MATCAP2: variants seen among roughly 807,000 people sequenced by gnomAD.
MATCAP2 encodes the protein putative tyrosine carboxypeptidase MATCAP2.
chr7:36,376,079 C>T, the MATCAP2 span, among the ~76,000 whole-genome samples: 2 of 152,042 alleles, frequency 1.3e-5, no homozygotes, highest in Non-Finnish European at 2.9e-5. Context: ...TTTTTTGTGT[C>T]TCTATCTCCT....
chr7:36,336,535 A>G, the MATCAP2 span, among the ~76,000 whole-genome samples: 2 of 152,230 alleles, frequency 1.3e-5, no homozygotes, highest in South Asian at 4.1e-4. Flanking sequence ...TCTCCTTAAC[A>G]TGCTGACAGA....
At chr7:36,347,663 A>G in the MATCAP2 span, among the ~76,000 whole-genome samples, 1 of 152,226 alleles carries the variant, frequency 6.6e-6, no homozygotes, top group South Asian at 2.1e-4. Context: ...TATTTCCCAT[A>G]TGACTGTAGA....
At chr7:36,360,549 G>A in the MATCAP2 span, among the ~76,000 whole-genome samples, 1 of 152,114 alleles carries the variant, frequency 6.6e-6, no homozygotes, top group African/African-American at 2.4e-5. Flanking sequence ...GTTAAATGCT[G>A]GATAGCCCAT....
At chr7:36,354,124 G>A in the MATCAP2 span, among the ~76,000 whole-genome samples, 1 of 152,162 alleles carries the variant, frequency 6.6e-6, no homozygotes, top group Admixed American at 6.5e-5. Context: ...TAAGAGTCAG[G>A]AAGCTGAGGC....
chr7:36,335,869 G>A, the MATCAP2 span, among the ~76,000 whole-genome samples: 2 of 152,118 alleles, frequency 1.3e-5, no homozygotes, highest in African/African-American at 2.4e-5. Context: ...TCAGGAGTTC[G>A]AGACCAGCCT....
the MATCAP2 span, chr7:36,366,990 G>A: frequency 1.4e-5 from 19 of 1,325,558 alleles, no homozygotes; most frequent in African/African-American, 2.9e-4. Context: ...AGGGGAAAGG[G>A]CCGCGCAGGG....
chr7:36,332,927 C>CA, the MATCAP2 span, among the ~76,000 whole-genome samples: 281 of 147,614 alleles, frequency 1.9e-3, no homozygotes, highest in African/African-American at 6.6e-3. Flanking sequence ...TACTCTATCT[C>CA]AAAAAAAAAA....
chr7:36,370,172 A>T, the MATCAP2 span, among the ~76,000 whole-genome samples: 1 of 152,146 alleles, frequency 6.6e-6, no homozygotes. Flanking sequence ...ATTCATCCTC[A>T]TCAAGCTTTC....
the MATCAP2 span, among the ~76,000 whole-genome samples, chr7:36,367,749 A>G: frequency 6.6e-6 from 1 of 152,242 alleles, no homozygotes; most frequent in African/African-American, 2.4e-5. Context: ...ATTAGCAAGT[A>G]TGAAAATTTA....
At chr7:36,366,735 A>G in the MATCAP2 span, 1 of 1,535,130 alleles carries the variant, frequency 6.5e-7, no homozygotes, top group Non-Finnish European at 8.7e-7. Context: ...TAAGGGGCCG[A>G]TTTCTCTCTT....
the MATCAP2 span, among the ~76,000 whole-genome samples, chr7:36,345,519 T>C: frequency 2.6e-5 from 4 of 152,144 alleles, no homozygotes; most frequent in Admixed American, 1.3e-4. Flanking sequence ...CAAAATAGAA[T>C]AGCACCATTA....
the MATCAP2 span, chr7:36,390,024 G>A: frequency 6.2e-7 from 1 of 1,614,076 alleles, no homozygotes; most frequent in Non-Finnish European, 8.5e-7. Context: ...GACGCCTGGG[G>A]CGATGGATCC....
At chr7:36,335,464 C>T in the MATCAP2 span, among the ~76,000 whole-genome samples, 1 of 152,252 alleles carries the variant, frequency 6.6e-6, no homozygotes, top group South Asian at 2.1e-4. Context: ...GTCGTAAATA[C>T]GCTCCCTGAC....
the MATCAP2 span, among the ~76,000 whole-genome samples, chr7:36,352,988 G>A: frequency 6.6e-6 from 1 of 152,038 alleles, no homozygotes; most frequent in Non-Finnish European, 1.5e-5. Context: ...AGATGCTACA[G>A]GTCAGGCCCG....
chr7:36,363,850 A>G, the MATCAP2 span, among the ~76,000 whole-genome samples: 1 of 152,222 alleles, frequency 6.6e-6, no homozygotes, highest in Non-Finnish European at 1.5e-5. Context: ...ACTATAGGTA[A>G]GCAGCCTTTG....
At chr7:36,355,379 T>C in the MATCAP2 span, 4 of 152,228 alleles carry the variant, frequency 2.6e-5, no homozygotes, top group African/African-American at 9.6e-5. Context: ...ACTATGTTAA[T>C]GCTGCCTTCT....
chr7:36,390,110 G>C, the MATCAP2 span: 3 of 1,609,924 alleles, frequency 1.9e-6, no homozygotes, highest in Non-Finnish European at 2.5e-6. Context: ...ACCTTCCTCT[G>C]TCAACCTCTG....
the MATCAP2 span, among the ~76,000 whole-genome samples, chr7:36,352,866 T>G: frequency 6.6e-6 from 1 of 151,918 alleles, no homozygotes; most frequent in Non-Finnish European, 1.5e-5. Context: ...GTTAGTAAAT[T>G]ACGACTTTGT....
chr7:36,325,725 A>G, the MATCAP2 span: 2 of 152,180 alleles, frequency 1.3e-5, no homozygotes, highest in Non-Finnish European at 2.9e-5. Flanking sequence ...ATACAGCAAA[A>G]CAGAACTCTC....
Sources: gnomAD v4.1 joint callset for allele counts (sites outside exome capture counted in the v4.1 genomes callset) on GRCh38, gnomAD v4.1.1 for gene constraint, MANE v1.5 for transcripts, NCBI Gene and HGNC (gene_info 2026-07-23, HGNC 2026-07-21) for gene names.